Variants in RAPGEF4 observed in about 807,000 individuals in gnomAD.
The protein encoded by RAPGEF4 is RAP guanine-nucleotide-exchange factor (GEF) 4.
In RAPGEF4, 66 loss-of-function variants were observed where a neutral mutation model predicts 147.9. The observed-to-expected ratio is 0.45, with a 90% CI of 0.37 to 0.55. RAPGEF4 has a LOEUF of 0.55. RAPGEF4 is among the 20% of genes least tolerant of loss of function. RAPGEF4 has a pLI of 0.00. For synonymous variants in RAPGEF4, 419 were observed against 442.7 expected, an observed-to-expected ratio of 0.95 and a Z score of 0.67; for missense variants, 1,071 against 1,257.3, an observed-to-expected ratio of 0.85 and a Z score of 2.24.
At chr2:172,855,708 C>G (rs1693337285) in intron 4 of RAPGEF4, among the ~76,000 whole-genome samples, 1 of 152,084 alleles carries the variant, frequency 6.6e-6, no homozygotes, top group South Asian at 2.1e-4. Context: ...ATATAGAATT[C>G]TAGCTTGACA....
At chr2:172,975,262 A>G (rs924591265) in intron 10 of RAPGEF4, among the ~76,000 whole-genome samples, 1 of 152,192 alleles carries the variant, frequency 6.6e-6, no homozygotes, top group African/African-American at 2.4e-5. Context: ...GAAAGAGTCA[A>G]TTTACTCCAC....
At chr2:172,736,078 C>G in intron 1 of RAPGEF4, 30 bp downstream of exon 1, 1 of 1,450,870 alleles carries the variant, frequency 6.9e-7, no homozygotes, top group Non-Finnish European at 9.1e-7. Context: ...AGCCGGGGGC[C>G]GAGCTCTGCG....
chr2:172,882,868 T>G (rs1363656405), intron 4 of RAPGEF4, among the ~76,000 whole-genome samples: 3 of 152,210 alleles, frequency 2.0e-5, no homozygotes, highest in Non-Finnish European at 4.4e-5. Flanking sequence ...ACATGCTAGA[T>G]CCAAGAATTC....
At chr2:173,050,084 A>G (rs548137667) in intron 30 of RAPGEF4, among the ~76,000 whole-genome samples, 1 of 152,322 alleles carries the variant, frequency 6.6e-6, no homozygotes, top group African/African-American at 2.4e-5. Flanking sequence ...GCATTCTTCT[A>G]TGTCACCTCC....
intron 4 of RAPGEF4, among the ~76,000 whole-genome samples, chr2:172,896,387 TTG>T (rs779681013): frequency 6.6e-6 from 1 of 152,206 alleles, no homozygotes; most frequent in Non-Finnish European, 1.5e-5. Flanking sequence ...TAACTGCAAG[TTG>T]TGTTTAATTC....
intron 6 of RAPGEF4, among the ~76,000 whole-genome samples, chr2:172,945,529 A>G (rs934887739): frequency 4.6e-5 from 7 of 152,140 alleles, no homozygotes; most frequent in Non-Finnish European, 1.0e-4. Context: ...AAAGTCTTTT[A>G]CAATTTTCAA....
intron 1 of RAPGEF4, among the ~76,000 whole-genome samples, chr2:172,743,520 G>A (rs951417425): frequency 6.6e-6 from 1 of 152,176 alleles, no homozygotes; most frequent in Non-Finnish European, 1.5e-5. Context: ...TAGACCAGAT[G>A]TATTTTTGTC....
At chr2:172,906,258 A>G (rs1388924792) in intron 4 of RAPGEF4, among the ~76,000 whole-genome samples, 1 of 152,182 alleles carries the variant, frequency 6.6e-6, no homozygotes. Context: ...CAGCTTTAGT[A>G]TATTGGGAGA....
At chr2:173,048,389 C>G in intron 29 of RAPGEF4, 3 of 1,079,710 alleles carry the variant, frequency 2.8e-6, no homozygotes, top group Non-Finnish European at 3.7e-6. Context: ...CATTAATATT[C>G]CTTACCTGAA....
intron 1 of RAPGEF4, among the ~76,000 whole-genome samples, chr2:172,749,582 C>G (rs1695081712): frequency 6.6e-6 from 1 of 152,236 alleles, no homozygotes; most frequent in African/African-American, 2.4e-5. Flanking sequence ...CCTCCTAGGC[C>G]TCCAGGCCAT....
At position 172,965,964 on chromosome 2, in the gene RAPGEF4, C is replaced by T. The variant is rs186717058; in HGVS notation, c.820+281C>T. 1.8e-3 allele frequency among the ~76,000 whole-genome samples: 270 copies of T among 152,320 alleles called. 2 individuals are homozygous for T. Among genetic ancestry groups the T allele is most frequent in the Non-Finnish European group, 3.3e-3 (226 of 68,030 alleles). ...AATTATGTTTATTAGTTTGCATTCA[C>T]GGTTCATTGATAGCGTGATTATACT... On this transcript the variant is annotated intron_variant, in intron 9 of 30. Coordinates refer to ENST00000397081, the MANE Select transcript of RAPGEF4 (RefSeq NM_007023.4).
chr2:172,743,404 C>A (rs1694474276), intron 1 of RAPGEF4, among the ~76,000 whole-genome samples: 1 of 152,194 alleles, frequency 6.6e-6, no homozygotes, highest in Admixed American at 6.5e-5. Flanking sequence ...AAAGTGCTGC[C>A]ACTACTCTCT....
At position 172,761,151 on chromosome 2, in the gene RAPGEF4, G is replaced by A. The variant is rs182528312; in HGVS notation, c.65+25103G>A. On this transcript the variant is annotated intron_variant, in intron 1 of 30. Coordinates refer to ENST00000397081, the MANE Select transcript of RAPGEF4 (RefSeq NM_007023.4). ...TTCTTTTTTTTTTGTTTTAGACGGA[G>A]TTTCACTCTTGTTGCCCAGGCTGGA... Among the ~76,000 whole-genome samples the A allele has an allele frequency of 5.2e-3, 740 of 143,174 alleles. 6 individuals are homozygous for A. Among genetic ancestry groups the A allele is most frequent in the African/African-American group, 0.018 (706 of 38,606 alleles). The allele number at this position is 143,174 out of a possible 152,430, so 93.9% of individuals were successfully genotyped here. A position where few individuals can be genotyped will look rare whatever the true frequency, so the allele number is the denominator to read the frequency against.
intron 6 of RAPGEF4, among the ~76,000 whole-genome samples, chr2:172,931,278 C>T (rs1209949340): frequency 2.7e-5 from 4 of 149,720 alleles, no homozygotes; most frequent in African/African-American, 9.8e-5. Context: ...TTACATGGAG[C>T]GTAATTCTAG....
In RAPGEF4 at chr2:173,028,488, T is replaced by C. The variant is rs544945899; in HGVS notation, c.2558+1229T>C. On this transcript the variant is annotated intron_variant, in intron 25 of 30. Transcript: ENST00000397081. ...CAAATGTGGGAAGCCAGAAAATCTT[T>C]TGGGGCCTGATCCTGTTATTTTACA... Among the ~76,000 whole-genome samples, 10 of 152,354 alleles carry C rather than the reference T, an allele frequency of 6.6e-5. No individual in the cohort carries two copies. In the South Asian group the frequency reaches 1.4e-3, roughly 22 times the overall value.
At chr2:172,881,417 A>T (rs1341217484) in intron 4 of RAPGEF4, among the ~76,000 whole-genome samples, 3 of 152,230 alleles carry the variant, frequency 2.0e-5, no homozygotes, top group Non-Finnish European at 4.4e-5. Context: ...TTTAATGCCA[A>T]TATTTTATGT....
chr2:172,941,809 A>G (rs1687188969), intron 6 of RAPGEF4, among the ~76,000 whole-genome samples: 1 of 152,174 alleles, frequency 6.6e-6, no homozygotes. Context: ...TCATCATCTG[A>G]AAAATGGGTT....
intron 4 of RAPGEF4, among the ~76,000 whole-genome samples, chr2:172,868,806 C>T (rs1694906320): frequency 6.6e-6 from 1 of 152,188 alleles, no homozygotes; most frequent in African/African-American, 2.4e-5. Context: ...TTTATTTGGG[C>T]TCACAGTTCT....
chr2:173,051,049 A>T (rs547584799), intron 30 of RAPGEF4, among the ~76,000 whole-genome samples: 14 of 152,252 alleles, frequency 9.2e-5, no homozygotes, highest in Middle Eastern at 6.8e-3. Flanking sequence ...AAAGAATCAA[A>T]CGTCTAGCAG....
Sources: allele counts gnomAD v4.1 joint callset (sites outside exome capture counted in the v4.1 genomes callset), GRCh38; gene constraint gnomAD v4.1.1; transcripts MANE v1.5; gene names NCBI Gene and HGNC (gene_info 2026-07-23, HGNC 2026-07-21).